The following SMG6 variants were observed in gnomAD, a reference collection of about 807,000 sequenced individuals.
SMG6 encodes the protein SMG6 nonsense mediated mRNA decay factor.
A neutral mutation model predicts 142.2 loss-of-function variants in SMG6; 66 were observed. The observed-to-expected ratio is 0.46, with a 90% CI of 0.38 to 0.57. SMG6 has a LOEUF of 0.57. Ranked by LOEUF, SMG6 falls within the 20% of genes least tolerant of loss-of-function variation. The pLI, the probability that SMG6 is intolerant of heterozygous loss-of-function variation, is 0.00. For synonymous variants in SMG6, 779 were observed against 702.4 expected (o/e 1.11, Z -1.72); for missense variants, 1,793 against 1,832.0 (o/e 0.98, Z 0.39).
At chr17:2,205,132 G>A (rs185538930) in intron 10 of SMG6, among the ~76,000 whole-genome samples, 8 of 151,400 alleles carry the variant, frequency 5.3e-5, no homozygotes, top group African/African-American at 1.2e-4. Context: ...GCAATGGCGC[G>A]ATCTCAGCTC....
intron 9 of SMG6, among the ~76,000 whole-genome samples, chr17:2,242,522 T>G (rs562793638): frequency 6.7e-6 from 1 of 149,598 alleles, no homozygotes; most frequent in East Asian, 1.9e-4. Flanking sequence ...AGAGCGAGAC[T>G]TCGTCTCAAA....
chr17:2,163,655 T>C (rs1159019309), intron 13 of SMG6, among the ~76,000 whole-genome samples: 3 of 152,248 alleles, frequency 2.0e-5, no homozygotes, highest in Admixed American at 2.0e-4. Flanking sequence ...AAAACAGCTT[T>C]ATTTTTTCCC....
intron 13 of SMG6, among the ~76,000 whole-genome samples, chr17:2,128,817 C>CAAAAAAAAAA (rs367580981): frequency 1.4e-5 from 1 of 73,074 alleles, no homozygotes; most frequent in Admixed American, 1.7e-4. Context: ...GAGCAAGACT[C>CAAAAAAAAAA]AAAAAAAAAA....
intron 13 of SMG6, among the ~76,000 whole-genome samples, chr17:2,143,470 C>T (rs1444687589): frequency 6.6e-6 from 1 of 151,996 alleles, no homozygotes; most frequent in Non-Finnish European, 1.5e-5. Flanking sequence ...CCAGAAGACA[C>T]CAGATACAAA....
intron 13 of SMG6, among the ~76,000 whole-genome samples, chr17:2,096,491 G>A (rs764584244): frequency 3.9e-5 from 6 of 152,192 alleles, no homozygotes; most frequent in Non-Finnish European, 5.9e-5. Flanking sequence ...TTACAGGCGT[G>A]AGCCACTGCG....
chr17:2,130,260 C>G (rs1041590188), intron 13 of SMG6, among the ~76,000 whole-genome samples: 1 of 18,212 alleles, frequency 5.5e-5, no homozygotes, highest in Non-Finnish European at 1.1e-4. Context: ...GAGCGAGACT[C>G]CGTCTCAAAA....
chr17:2,075,894 T>C (rs4790311), intron 15 of SMG6, among the ~76,000 whole-genome samples: 94,773 of 152,024 alleles, frequency 0.62, 29,899 homozygotes, highest in Middle Eastern at 0.68. Context: ...CTGCACAGGC[T>C]CTGAGAGCTC....
At position 2,243,443 on chromosome 17, in the gene SMG6, G is replaced by T. The variant is rs183171158; in HGVS notation, c.2723+1215C>A. Among the ~76,000 whole-genome samples the T allele has an allele frequency of 6.6e-3, 1,003 of 152,336 alleles. 9 individuals are homozygous for T. The highest frequency in any genetic ancestry group is 0.031 in the Middle Eastern group (9 of 294). ...CGGCTGTAATCCCAGCACTTTGGGA[G>T]GGCGAGGCAGGTGGATCACATGAGG... On this transcript the variant is annotated intron_variant, in intron 9 of 18. Transcript: ENST00000263073.
Position 2,065,623 on chromosome 17 carries a change from C to T in SMG6, c.3892G>A (p.Gly1298Ser), listed in dbSNP as rs1283593745. The change falls in exon 17 of 19, where the codon GGC becomes AGC. Residue 1298 changes from glycine to serine, a missense_variant. By Grantham distance (56) the Gly-to-Ser change is moderately conservative. This residue lies in a region of SMG6 where 179 missense variants were observed against 212.6 expected (regional missense o/e 0.84). Coordinates refer to ENST00000263073, the MANE Select transcript of SMG6 (RefSeq NM_017575.5). ...KGQETDHRAG[G>S]YARVVQEKAR... is the part of the protein sequence containing the mutation. ...TTCTCTTGTACCACACGGGCGTAGC[C>T]CCCAGCCCGGTGGTCTGTCTCCTGC... The T allele has an allele frequency of 1.9e-6, 3 of 1,613,918 alleles. No homozygotes were observed. In the African/African-American group the frequency reaches 4.0e-5, roughly 22 times the overall value.
intron 8 of SMG6, among the ~76,000 whole-genome samples, chr17:2,248,348 G>C (rs1180437900): frequency 1.3e-5 from 2 of 152,140 alleles, no homozygotes; most frequent in Admixed American, 6.5e-5. Context: ...CAACTAAGAA[G>C]CCGTTCAAGT....
chr17:2,106,730 C>G (rs1028654463), intron 13 of SMG6, among the ~76,000 whole-genome samples: 4 of 152,020 alleles, frequency 2.6e-5, no homozygotes, highest in African/African-American at 9.7e-5. Context: ...GAAAATGTTT[C>G]AAAGCTGATG....
chr17:2,136,024 G>C (rs998917346), intron 13 of SMG6, among the ~76,000 whole-genome samples: 4 of 148,874 alleles, frequency 2.7e-5, no homozygotes, highest in Admixed American at 2.0e-4. Context: ...GTGTGTGTGT[G>C]TGTGTGTGTG....
intron 8 of SMG6, among the ~76,000 whole-genome samples, chr17:2,263,349 T>C (rs2074356507): frequency 6.6e-6 from 1 of 152,204 alleles, no homozygotes; most frequent in African/African-American, 2.4e-5. Flanking sequence ...TAGAGGCTGA[T>C]GACACACTCA....
intron 15 of SMG6, among the ~76,000 whole-genome samples, chr17:2,070,515 G>A (rs986452900): frequency 2.0e-5 from 3 of 152,230 alleles, no homozygotes; most frequent in African/African-American, 4.8e-5. Context: ...GGCCCACAGT[G>A]CTGGTCCTGG....
intron 1 of SMG6, among the ~76,000 whole-genome samples, chr17:2,302,579 C>G (rs1039245893): frequency 4.6e-5 from 7 of 152,124 alleles, no homozygotes; most frequent in African/African-American, 2.4e-5. Flanking sequence ...GTTTTTAATC[C>G]TAGTATTGCT....
chr17:2,137,285 G>A (rs929119484), intron 13 of SMG6, among the ~76,000 whole-genome samples: 1 of 152,196 alleles, frequency 6.6e-6, no homozygotes, highest in Admixed American at 6.5e-5. Flanking sequence ...CAACTCTCCA[G>A]AAGGGAGTAC....
chr17:2,275,369 C>A lies in SMG6; in HGVS notation c.2661+7278G>T, dbSNP rs1418047210. Among the ~76,000 whole-genome samples, 4 of 152,326 alleles carry A rather than the reference C, an allele frequency of 2.6e-5. No homozygotes were observed. The South Asian group carries it at 6.2e-4, about 24-fold the overall frequency. ...CTCAGGAGGTGGCGGCTGCAGTGAG[C>A]TGAGATCACGCCGCTGCACTCCAGC... On this transcript the variant is annotated intron_variant, in intron 8 of 18. Coordinates refer to ENST00000263073, the MANE Select transcript of SMG6 (RefSeq NM_017575.5).
At chr17:2,184,005 C>T (rs763800385) in intron 12 of SMG6, among the ~76,000 whole-genome samples, 21 of 152,180 alleles carry the variant, frequency 1.4e-4, no homozygotes, top group Non-Finnish European at 2.6e-4. Flanking sequence ...CATTCAGGAA[C>T]ACATACTCAC....
At position 2,292,852 on chromosome 17, in the gene SMG6, G is replaced by C. The variant is rs200832853; in HGVS notation, c.2258+19C>G. On this transcript the variant is annotated intron_variant, in intron 5 of 18. Coordinates refer to ENST00000263073, the MANE Select transcript of SMG6 (RefSeq NM_017575.5). The stretch of plus-strand genomic sequence containing the variant: ...GAGCCACATAGGGAAGAGAAATAAC[G>C]AAGCAGAGGTAAAAGTACCTGCGTG... 4 of 1,602,724 alleles carry C rather than the reference G, an allele frequency of 2.5e-6. No individual in the cohort carries two copies. The highest frequency in any genetic ancestry group is 2.2e-5 in the South Asian group (2 of 90,822).
Sources: gnomAD v4.1 joint callset for allele counts (sites outside exome capture counted in the v4.1 genomes callset) on GRCh38, gnomAD v4.1.1 for gene constraint, gnomAD v4.1.1 regional missense constraint, MANE v1.5 for transcripts, NCBI Gene and HGNC (gene_info 2026-07-23, HGNC 2026-07-21) for gene names.